Variants in PROK1 observed in about 807,000 individuals in gnomAD.
PROK1 encodes the protein prokineticin-1.
Under a neutral mutation model 8.8 loss-of-function variants are expected in PROK1, and 10 were observed. The observed-to-expected ratio is 1.13, with a 90% CI of 0.70 to 1.92. The LOEUF is 1.92. Ranked by LOEUF, PROK1 falls within the 30% of genes most tolerant of loss-of-function variation. The probability of loss-of-function intolerance (pLI) is 0.00; values close to 1 mark genes in which losing one functional copy is unlikely to be tolerated. For synonymous variants in PROK1, 57 were observed against 56.0 expected, an observed-to-expected ratio of 1.02 and a Z score of -0.08; for missense variants, 140 against 139.7, an observed-to-expected ratio of 1.00 and a Z score of -0.01.
At chr1:110,452,122 G>A (rs1395251953) in intron 1 of PROK1, among the ~76,000 whole-genome samples, 1 of 152,212 alleles carries the variant, frequency 6.6e-6, no homozygotes, top group Non-Finnish European at 1.5e-5. Context: ...TCCACTGGAA[G>A]AAAAAGGTCG....
chr1:110,452,484 G>A (rs1228957296), intron 1 of PROK1, among the ~76,000 whole-genome samples: 1 of 152,272 alleles, frequency 6.6e-6, no homozygotes, highest in Non-Finnish European at 1.5e-5. Flanking sequence ...GTGAGGGCAG[G>A]AGCAGCGTGG....
At position 110,451,189 on chromosome 1, in the gene PROK1, C is replaced by A; in HGVS notation, c.-28C>A. On this transcript the variant is annotated 5_prime_UTR_variant, in exon 1 of 3. Transcript: ENST00000271331. ...AGGAAGCGAGAGGCATCTAAGCAGGCAGTGTTTTGCCTTCACCCCAAGTGA... is the reference window on the plus strand; with the variant it reads ...AGGAAGCGAGAGGCATCTAAGCAGGAAGTGTTTTGCCTTCACCCCAAGTGA... 6.2e-7 allele frequency: 1 copy of A among 1,609,860 alleles called. No homozygotes were observed. The highest frequency in any genetic ancestry group is 8.5e-7 in the Non-Finnish European group (1 of 1,176,124).
At chr1:110,453,890 G>A in intron 1 of PROK1, 71 bp from the exon 2 acceptor site, 1 of 1,601,920 alleles carries the variant, frequency 6.2e-7, no homozygotes. Flanking sequence ...AGGGCTTTTT[G>A]GATCTACCCT....
rs1368751434 is a variant in PROK1, at chr1:110,453,968, A to AG, written c.81dup (p.Arg28AlafsTer93). On this transcript the variant is annotated frameshift_variant, in exon 2 of 3. Transcript: ENST00000271331. LOFTEE classifies it high-confidence loss of function. ...TCTCTCTCCCTCCTACAGGCCTGTGAGCGGGATGTCCAGTGTGGGGCAGGC... is the reference window on the plus strand; with the variant it reads ...TCTCTCTCCCTCCTACAGGCCTGTGAGGCGGGATGTCCAGTGTGGGGCAGGC... The AG allele has an allele frequency of 6.8e-6, 11 of 1,614,136 alleles. No homozygotes were observed. The highest frequency in any genetic ancestry group is 3.3e-5 in the Admixed American group (2 of 60,022).
chr1:110,452,782 T>A (rs547161425), intron 1 of PROK1, among the ~76,000 whole-genome samples: 1 of 152,262 alleles, frequency 6.6e-6, no homozygotes, highest in South Asian at 2.1e-4. Context: ...ACCTCTACAC[T>A]CCCCTGCTCC....
intron 1 of PROK1, 30 bp from the exon 2 acceptor site, chr1:110,453,931 G>T: frequency 6.2e-7 from 1 of 1,613,966 alleles, no homozygotes; most frequent in South Asian, 1.1e-5. Context: ...GTGCACTAAT[G>T]AACTGTTCCC....
chr1:110,451,392 C>A, intron 1 of PROK1, 104 bp downstream of exon 1: 2 of 946,012 alleles, frequency 2.1e-6, no homozygotes, highest in Non-Finnish European at 3.4e-6. Context: ...TGGCTCAACA[C>A]AGTGTGAACC....
At position 110,451,205 on chromosome 1, in the gene PROK1, C is replaced by T; in HGVS notation, c.-12C>T. ...CTAAGCAGGCAGTGTTTTGCCTTCA[C>T]CCCAAGTGACCATGAGAGGTGCCAC... On this transcript the variant is annotated 5_prime_UTR_variant, in exon 1 of 3. Coordinates refer to ENST00000271331, the MANE Select transcript of PROK1 (RefSeq NM_032414.3). 6.2e-7 allele frequency: 1 copy of T among 1,613,992 alleles called. No homozygotes were observed. The highest frequency in any genetic ancestry group is 8.5e-7 in the Non-Finnish European group (1 of 1,179,868).
chr1:110,453,395 T>C lies in PROK1; in HGVS notation c.73-566T>C, dbSNP rs149024867. 3.3e-5 allele frequency among the ~76,000 whole-genome samples: 5 copies of C among 152,280 alleles called. No individual in the cohort carries two copies. The East Asian group carries it at 9.7e-4, about 29-fold the overall frequency. On this transcript the variant is annotated intron_variant, in intron 1 of 2. Coordinates refer to ENST00000271331, the MANE Select transcript of PROK1 (RefSeq NM_032414.3). ...CCTCTCTGGGAATCATGGAAGTCAG[T>C]AGAGAAACCCTGGGAGAGGCACCTG...
chr1:110,456,121 G>A, intron 2 of PROK1, 111 bp from the exon 3 acceptor site: 3 of 1,171,346 alleles, frequency 2.6e-6, no homozygotes, highest in Non-Finnish European at 3.8e-6. Context: ...GTGGAGAAGT[G>A]GGCTAGGGTG....
chr1:110,455,579 A>AT (rs1664159832), intron 2 of PROK1, among the ~76,000 whole-genome samples: 1 of 152,246 alleles, frequency 6.6e-6, no homozygotes, highest in Admixed American at 6.5e-5. Context: ...TGCTTCCTGT[A>AT]TGCCACCCTT....
intron 2 of PROK1, among the ~76,000 whole-genome samples, 164 bp from the exon 3 acceptor site, chr1:110,456,068 G>A (rs534499560): frequency 2.0e-5 from 3 of 152,088 alleles, no homozygotes; most frequent in Admixed American, 6.5e-5. Flanking sequence ...ACCGTACCTC[G>A]GTTTCCTCAT....
At chr1:110,456,096 G>A (rs1224028651) in intron 2 of PROK1, 136 bp from the exon 3 acceptor site, 1 of 908,078 alleles carries the variant, frequency 1.1e-6, no homozygotes, top group South Asian at 1.3e-5. Context: ...TGCTATTATT[G>A]TTGTGCTAGG....
At position 110,453,879 on chromosome 1, in the gene PROK1, A is replaced by G. The variant is rs1292954042; in HGVS notation, c.73-82A>G. On this transcript the variant is annotated intron_variant, in intron 1 of 2. Transcript: ENST00000271331. ...CAGCCTCTTCTTGCTCCATCCTGAT[A>G]AGGGCTTTTTGGATCTACCCTTCCC... 5.0e-6 allele frequency: 8 copies of G among 1,585,286 alleles called. No homozygotes were observed. In the Admixed American group the frequency reaches 1.3e-4, roughly 26 times the overall value.
At chr1:110,453,763 C>T (rs557128272) in intron 1 of PROK1, among the ~76,000 whole-genome samples, 198 bp from the exon 2 acceptor site, 1 of 152,202 alleles carries the variant, frequency 6.6e-6, no homozygotes, top group African/African-American at 2.4e-5. Context: ...ATCCAATGCC[C>T]CCCTGAGCCC....
rs756092160 is a variant in PROK1, at chr1:110,454,052, G to A, written c.164G>A (p.Arg55Gln). The A allele has an allele frequency of 4.3e-6, 7 of 1,613,954 alleles. No individual in the cohort carries two copies. The highest frequency in any genetic ancestry group is 1.7e-5 in the Admixed American group (1 of 60,026). ...RGLRMCTPLG[R>Q]EGEECHPGSH... is the part of the protein sequence containing the mutation. ...CTGCGGATGTGCACCCCGCTGGGGCGGGAAGGCGAGGAGTGCCACCCCGGC... is the reference window on the plus strand; with the variant it reads ...CTGCGGATGTGCACCCCGCTGGGGCAGGAAGGCGAGGAGTGCCACCCCGGC... Residue 55 changes from arginine (R) to glutamine (Q), a missense_variant, in exon 2 of 3, where the codon CGG (arginine) becomes CAG (glutamine). Physicochemically the swap from Arg to Gln is conservative, Grantham distance 43. Transcript: ENST00000271331.
intron 1 of PROK1, among the ~76,000 whole-genome samples, chr1:110,453,265 A>T (rs941217192): frequency 6.6e-6 from 1 of 152,180 alleles, no homozygotes; most frequent in African/African-American, 2.4e-5. Context: ...TCTGGCTTTT[A>T]TTTAACGTGG....
chr1:110,455,701 T>C lies in PROK1; in HGVS notation c.199-531T>C, dbSNP rs568911114. Among the ~76,000 whole-genome samples the C allele has an allele frequency of 7.2e-5, 11 of 152,354 alleles. No individual in the cohort carries two copies. The South Asian group carries it at 2.3e-3, about 32-fold the overall frequency. On this transcript the variant is annotated intron_variant, in intron 2 of 2. Transcript: ENST00000271331. The stretch of plus-strand genomic sequence containing the variant: ...TGAGGCACAGAGAGGCCAAATGATT[T>C]GCTGATTATCACACAGCTGGGAAGC...
At chr1:110,452,885 G>C (rs767412834) in intron 1 of PROK1, among the ~76,000 whole-genome samples, 1 of 152,164 alleles carries the variant, frequency 6.6e-6, no homozygotes, top group African/African-American at 2.4e-5. Context: ...AAGAAGAGTC[G>C]ACTGGGGTTT....
Sources: allele counts gnomAD v4.1 joint callset (sites outside exome capture counted in the v4.1 genomes callset), GRCh38; gene constraint gnomAD v4.1.1; transcripts MANE v1.5; gene names NCBI Gene and HGNC (gene_info 2026-07-23, HGNC 2026-07-21).